MYCN: variants seen among roughly 807,000 people sequenced by gnomAD.
MYCN encodes the protein MYCN proto-oncogene, bHLH transcription factor, also known as N-myc proto-oncogene protein.
A neutral mutation model predicts 28.1 loss-of-function variants in MYCN; 3 were observed. The observed-to-expected ratio is 0.11, with a 90% confidence interval of 0.05 to 0.28. MYCN has a LOEUF of 0.28. Among genes scored for constraint, MYCN ranks in the 10% least tolerant of loss-of-function variants. MYCN has a pLI of 1.00. For synonymous variants in MYCN, 326 were observed against 288.3 expected, an observed-to-expected ratio of 1.13 and a Z score of -1.32; for missense variants, 572 against 651.4, an observed-to-expected ratio of 0.88 and a Z score of 1.33.
chr2:15,946,463 G>A lies in MYCN; in HGVS notation c.*366G>A, dbSNP rs1215711046. 1 of 410,608 alleles carries A rather than the reference G, an allele frequency of 2.4e-6. No homozygotes were observed. Among genetic ancestry groups the A allele is most frequent in the Non-Finnish European group, 4.5e-6 (1 of 220,296 alleles). 25.4% of individuals were successfully genotyped at this position (410,608 alleles called of 1,614,324 possible). On this transcript the variant is annotated 3_prime_UTR_variant, in exon 3 of 3. Coordinates refer to ENST00000281043, the MANE Select transcript of MYCN (RefSeq NM_005378.6). Reference sequence around the variant, plus strand: ...TAAGTTCCAGCAGATGCCACATAAGGGGTTTGCCATTTGATACCCCTGGGG... The same window carrying A: ...TAAGTTCCAGCAGATGCCACATAAGAGGTTTGCCATTTGATACCCCTGGGG...
In MYCN at chr2:15,941,990, G is replaced by A. The variant is rs926854385; in HGVS notation, c.-75G>A. ...GGCCCCCGCCTTCCGCGCCCCCCACGGGAAGGAAGCACCCCCGGTATTAAA... is the reference window on the plus strand; with the variant it reads ...GGCCCCCGCCTTCCGCGCCCCCCACAGGAAGGAAGCACCCCCGGTATTAAA... On this transcript the variant is annotated 5_prime_UTR_variant, in exon 2 of 3. Transcript: ENST00000281043. The surrounding 1 kb of genome is among the most constrained non-coding windows in gnomAD (Gnocchi z 4.8). 4 of 1,583,426 alleles carry A rather than the reference G, an allele frequency of 2.5e-6. No homozygotes were observed. The highest frequency in any genetic ancestry group is 2.7e-5 in the African/African-American group (2 of 74,104).
In MYCN at chr2:15,946,547, A is replaced by ATGTATACATCCT. The variant is rs1662879443; in HGVS notation, c.*450_*451insTGTATACATCCT. The ATGTATACATCCT allele has an allele frequency of 2.9e-6, 1 of 343,530 alleles. No homozygotes were observed. Among genetic ancestry groups the ATGTATACATCCT allele is most frequent in the Admixed American group, 4.5e-5 (1 of 22,210 alleles). 21.3% of individuals were successfully genotyped at this position (343,530 alleles called of 1,614,324 possible). On this transcript the variant is annotated 3_prime_UTR_variant, in exon 3 of 3. Transcript: ENST00000281043. ...TTTTGTATACATCCTGGGTAATGAG[A>ATGTATACATCCT]GGTGGCTTTTGCGGCCAGTATTAGA...
chr2:15,946,861 A>C lies in MYCN; in HGVS notation c.*764A>C, dbSNP rs546658641. On this transcript the variant is annotated 3_prime_UTR_variant, in exon 3 of 3. Coordinates refer to ENST00000281043, the MANE Select transcript of MYCN (RefSeq NM_005378.6). ...TTTCCTAGCCTGTTTCTTCCTGTTA[A>C]TGTATTTGTTCATGTTTGGTGCATA... is the stretch of plus-strand genomic sequence containing the variant. The C allele has an allele frequency of 4.1e-5, 9 of 219,998 alleles. No homozygotes were observed. The highest frequency in any genetic ancestry group is 1.6e-4 in the African/African-American group (7 of 44,774). 13.6% of individuals were successfully genotyped at this position (219,998 alleles called of 1,614,324 possible).
At chr2:15,940,840 C>A (rs1220853159) in intron 1 of MYCN, 97 bp downstream of exon 1, 5 of 398,028 alleles carry the variant, frequency 1.3e-5, no homozygotes, top group South Asian at 2.6e-4. Flanking sequence ...GCGCACCGGG[C>A]GCCCTAATAT....
rs1036303216 is a variant in MYCN at position 15,945,142 on chromosome 2, G to A, written c.791-351G>A. On this transcript the variant is annotated intron_variant, in intron 2 of 2. Coordinates refer to ENST00000281043, the MANE Select transcript of MYCN (RefSeq NM_005378.6). This position sits in a 1 kb window ranked among gnomAD's most constrained non-coding sequence, Gnocchi z 4.8. ...AGCCTCCCGAGTAGCTGGGATTACC[G>A]GAGCATGCCACCACACCCAGCAAAG... Among the ~76,000 whole-genome samples the A allele has an allele frequency of 6.6e-6, 1 of 151,822 alleles. No homozygotes were observed. Among genetic ancestry groups the A allele is most frequent in the African/African-American group, 2.4e-5 (1 of 41,298 alleles).
rs768038826 is a variant in MYCN, at chr2:15,945,061, A to G, written c.791-432A>G. Among the ~76,000 whole-genome samples, 7 of 152,074 alleles carry G rather than the reference A, an allele frequency of 4.6e-5. No individual in the cohort carries two copies. Among genetic ancestry groups the G allele is most frequent in the Admixed American group, 6.6e-5 (1 of 15,264 alleles). On this transcript the variant is annotated intron_variant, in intron 2 of 2. Coordinates refer to ENST00000281043, the MANE Select transcript of MYCN (RefSeq NM_005378.6). The surrounding 1 kb of genome is among the most constrained non-coding windows in gnomAD (Gnocchi z 4.8). ...GTTGCCCAGGCTGGAGTGCAGTGGT[A>G]TGATCTGGGCTCACTGCAACCTCCG...
Position 15,945,973 on chromosome 2 carries a change from A to G in MYCN, c.1271A>G (p.Lys424Arg), listed in dbSNP as rs779292035. 3.8e-5 allele frequency: 61 copies of G among 1,614,016 alleles called. No homozygotes were observed. Among genetic ancestry groups the G allele is most frequent in the Non-Finnish European group, 4.2e-5 (49 of 1,180,042 alleles). Residue 424 changes from lysine to arginine, a missense_variant, in exon 3 of 3, where the codon AAA (lysine) becomes AGA (arginine). This residue lies in a region of MYCN where 61 missense variants were observed against 81.6 expected (regional missense o/e 0.75). Coordinates refer to ENST00000281043, the MANE Select transcript of MYCN (RefSeq NM_005378.6). This position sits in a 1 kb window ranked among gnomAD's most constrained non-coding sequence, Gnocchi z 4.8. ...AAGGCCGCCAAGGTGGTCATTTTGAAAAAGGCCACTGAGTATGTCCACTCC... is the reference window on the plus strand; with the variant it reads ...AAGGCCGCCAAGGTGGTCATTTTGAGAAAGGCCACTGAGTATGTCCACTCC... ...NEKAAKVVIL[K>R]KATEYVHSLQ... is the part of the protein sequence containing the mutation.
At chr2:15,943,766 C>G (rs1035351771) in intron 2 of MYCN, among the ~76,000 whole-genome samples, 1 of 152,182 alleles carries the variant, frequency 6.6e-6, no homozygotes, top group Non-Finnish European at 1.5e-5. Context: ...CAGGAAGGCT[C>G]ACATCCTGGG....
At position 15,946,207 on chromosome 2, in the gene MYCN, TGTCGAGTTCG is replaced by T. The variant is rs1437452995; in HGVS notation, c.*112_*121del. 23 of 1,525,714 alleles carry T rather than the reference TGTCGAGTTCG, an allele frequency of 1.5e-5. No homozygotes were observed. In the African/African-American group the frequency reaches 1.9e-4, roughly 13 times the overall value. The allele number at this position is 1,525,714 out of a possible 1,614,324, so 94.5% of individuals were successfully genotyped here. ...TTGGTTTACTTTCAAATCGGTCCCCTGTCGAGTTCGGCTCTGGGTGGGCAGTAGGACCACC... is the reference window on the plus strand; with the variant it reads ...TTGGTTTACTTTCAAATCGGTCCCCTGCTCTGGGTGGGCAGTAGGACCACC... On this transcript the variant is annotated 3_prime_UTR_variant, in exon 3 of 3. Coordinates refer to ENST00000281043, the MANE Select transcript of MYCN (RefSeq NM_005378.6).
chr2:15,946,340 TTGG>T lies in MYCN; in HGVS notation c.*246_*248del. Reference sequence around the variant, plus strand: ...CTCACCTCCATGACAGCGCTAAACGTTGGTGACGGTTGGGAGCCTCTGGGGCTG... The same window carrying T: ...CTCACCTCCATGACAGCGCTAAACGTTGACGGTTGGGAGCCTCTGGGGCTG... On this transcript the variant is annotated 3_prime_UTR_variant, in exon 3 of 3. Transcript: ENST00000281043. 1.8e-6 allele frequency: 1 copy of T among 567,358 alleles called. No individual in the cohort carries two copies. 35.1% of individuals were successfully genotyped at this position (567,358 alleles called of 1,614,324 possible).
chr2:15,946,304 GCCT>G lies in MYCN; in HGVS notation c.*213_*215del. The stretch of plus-strand genomic sequence containing the variant: ...TCCCAGGATGCTGGGTGGCCCTGCA[GCCT>G]CCTCCACCTCACCTCCATGACAGCG... On this transcript the variant is annotated 3_prime_UTR_variant, in exon 3 of 3. Transcript: ENST00000281043. 1 of 673,062 alleles carries G rather than the reference GCCT, an allele frequency of 1.5e-6. No homozygotes were observed. Among genetic ancestry groups the G allele is most frequent in the Non-Finnish European group, 2.5e-6 (1 of 395,752 alleles). 41.7% of individuals were successfully genotyped at this position (673,062 alleles called of 1,614,324 possible).
At chr2:15,940,896 T>A in intron 1 of MYCN, 153 bp downstream of exon 1, 1 of 397,344 alleles carries the variant, frequency 2.5e-6, no homozygotes, top group Non-Finnish European at 4.4e-6. Flanking sequence ...ATCTCTGGGT[T>A]TTCCCAGAAA....
rs1200941109 is a variant in MYCN, at chr2:15,940,678, GC to G, written c.-176del. ...ACTGTAGCCATCCGAGGACACCCCC[GC>G]CCCCCCGGCCCACCCGGAGACACCC... On this transcript the variant is annotated 5_prime_UTR_variant, in exon 1 of 3. Coordinates refer to ENST00000281043, the MANE Select transcript of MYCN (RefSeq NM_005378.6). The G allele has an allele frequency of 4.3e-5, 11 of 256,216 alleles. No homozygotes were observed. The highest frequency in any genetic ancestry group is 7.4e-5 in the Non-Finnish European group (10 of 135,188). 15.9% of individuals were successfully genotyped at this position (256,216 alleles called of 1,614,324 possible). A position where few individuals can be genotyped will look rare whatever the true frequency, so the allele number is the denominator to read the frequency against.
chr2:15,942,928 C>T lies in MYCN; in HGVS notation c.790+74C>T. 6 of 1,501,980 alleles carry T rather than the reference C, an allele frequency of 4.0e-6. No homozygotes were observed. The highest frequency in any genetic ancestry group is 4.5e-6 in the Non-Finnish European group (5 of 1,122,826). The allele number at this position is 1,501,980 out of a possible 1,614,324, so 93.0% of individuals were successfully genotyped here. On this transcript the variant is annotated intron_variant, in intron 2 of 2. Transcript: ENST00000281043. This position sits in a 1 kb window ranked among gnomAD's most constrained non-coding sequence, Gnocchi z 7.0. ...GGGTCGCGTCCCCTTTGTTAGTGCT[C>T]GTATGTCTTGGCCTGGGGAGCATTT...
In MYCN at chr2:15,942,370, G is replaced by A; in HGVS notation, c.306G>A (p.Leu102=). The part of the protein sequence containing the change: ...AEEDAFGLGG[L]GGLTPNPVIL... ...AGGACGCGTTCGGCCTGGGGGGACTGGGTGGCCTCACCCCCAACCCGGTCA... is the reference window on the plus strand; with the variant it reads ...AGGACGCGTTCGGCCTGGGGGGACTAGGTGGCCTCACCCCCAACCCGGTCA... Residue 102 remains leucine (L), a synonymous_variant, in exon 2 of 3, where the codon CTG becomes CTA. Transcript: ENST00000281043. This position sits in a 1 kb window ranked among gnomAD's most constrained non-coding sequence, Gnocchi z 7.0. 1 of 1,607,124 alleles carries A rather than the reference G, an allele frequency of 6.2e-7. No homozygotes were observed.
chr2:15,945,569 C>A lies in MYCN; in HGVS notation c.867C>A (p.Ser289=), dbSNP rs911613952. The A allele has an allele frequency of 6.8e-6, 11 of 1,614,066 alleles. No individual in the cohort carries two copies. Among genetic ancestry groups the A allele is most frequent in the Non-Finnish European group, 9.3e-6 (11 of 1,180,000 alleles). The change falls in exon 3 of 3, where the codon TCC becomes TCA. Residue 289 remains serine (S), a synonymous_variant. Coordinates refer to ENST00000281043, the MANE Select transcript of MYCN (RefSeq NM_005378.6). This position sits in a 1 kb window ranked among gnomAD's most constrained non-coding sequence, Gnocchi z 4.8. ...VVTVEKRRSS[S]NTKAVTTFTI... is the part of the protein sequence containing the mutation. ...CTGTGGAGAAGCGGCGTTCCTCCTC[C>A]AACACCAAGGCTGTCACCACATTCA...
In MYCN at chr2:15,941,942, T is replaced by C. The variant is rs1662689323; in HGVS notation, c.-117-6T>C. ...CCACCCTCTCCGGTGTGTCTGTCGG[T>C]TGCAGTGTTGGAGGTCGGCGCCGGC... On this transcript the variant is annotated splice_region_variant and splice_polypyrimidine_tract_variant and intron_variant, in intron 1 of 2. Coordinates refer to ENST00000281043, the MANE Select transcript of MYCN (RefSeq NM_005378.6). This position sits in a 1 kb window ranked among gnomAD's most constrained non-coding sequence, Gnocchi z 4.8. 2.5e-6 allele frequency: 3 copies of C among 1,222,180 alleles called. No individual in the cohort carries two copies. The African/African-American group carries it at 4.5e-5, about 18-fold the overall frequency. The allele number at this position is 1,222,180 out of a possible 1,614,324, so 75.7% of individuals were successfully genotyped here.
In MYCN at chr2:15,941,142, G is replaced by T. The variant is rs529679125; in HGVS notation, c.-118+399G>T. 1 of 160,186 alleles carries T rather than the reference G, an allele frequency of 6.2e-6. No individual in the cohort carries two copies. The highest frequency in any genetic ancestry group is 2.4e-5 in the African/African-American group (1 of 41,860). 9.9% of individuals were successfully genotyped at this position (160,186 alleles called of 1,614,324 possible). A position where few individuals can be genotyped will look rare whatever the true frequency, so the allele number is the denominator to read the frequency against. Reference sequence around the variant, plus strand: ...GGATTAGGCAGGGCGAGGCCGCCGCGGTCGCAATCTGGGTCACGGCTGCTC... The same window carrying T: ...GGATTAGGCAGGGCGAGGCCGCCGCTGTCGCAATCTGGGTCACGGCTGCTC... On this transcript the variant is annotated intron_variant, in intron 1 of 2. Transcript: ENST00000281043. The surrounding 1 kb of genome is among the most constrained non-coding windows in gnomAD (Gnocchi z 4.8).
chr2:15,941,764 T>C lies in MYCN; in HGVS notation c.-117-184T>C, dbSNP rs933632335. 1.9e-6 allele frequency: 1 copy of C among 537,534 alleles called. No individual in the cohort carries two copies. 33.3% of individuals were successfully genotyped at this position (537,534 alleles called of 1,614,324 possible). ...CTCCCACCCCCTGTCGTAGACAGCT[T>C]GTACACAAAAGGAGGGCGGGAGGGA... On this transcript the variant is annotated intron_variant, in intron 1 of 2. Transcript: ENST00000281043. This position sits in a 1 kb window ranked among gnomAD's most constrained non-coding sequence, Gnocchi z 4.8.
Sources: allele counts gnomAD v4.1 joint callset (sites outside exome capture counted in the v4.1 genomes callset), GRCh38; gene constraint gnomAD v4.1.1; regional missense constraint gnomAD v4.1.1; non-coding constraint Gnocchi (gnomAD v3.1); transcripts MANE v1.5; gene names NCBI Gene and HGNC (gene_info 2026-07-23, HGNC 2026-07-21).